Variants in TLR5 observed in about 807,000 individuals in gnomAD.
TLR5 encodes the protein toll-like receptor 5.
For synonymous variants in TLR5, 373 were observed against 384.4 expected, an observed-to-expected ratio of 0.97 and a Z score of 0.35; for missense variants, 944 against 999.8, an observed-to-expected ratio of 0.94 and a Z score of 0.75.
At position 223,119,978 on chromosome 1, in the gene TLR5, T is replaced by TAAATAAAATA. The variant is rs1553268250; in HGVS notation, c.-4-6953_-4-6944dup. 2.9e-4 allele frequency among the ~76,000 whole-genome samples: 12 copies of TAAATAAAATA among 41,654 alleles called. 1 individual carries two copies. The East Asian group carries it at 7.1e-3, about 25-fold the overall frequency. The allele number at this position is 41,654 out of a possible 152,430, so 27.3% of individuals were successfully genotyped here. A position where few individuals can be genotyped will look rare whatever the true frequency, so the allele number is the denominator to read the frequency against. On this transcript the variant is annotated intron_variant, in intron 5 of 5. Transcript: ENST00000642603. ...TAAAATAAAATAAAATAAAATAAAATAAATAAAATAAAATAAAATAAAATA... is the reference window on the plus strand; with the variant it reads ...TAAAATAAAATAAAATAAAATAAAATAAATAAAATAAAATAAAATAAAATAAAATAAAATA...
chr1:223,118,408 A>G (rs964611182), intron 5 of TLR5, among the ~76,000 whole-genome samples: 1 of 151,964 alleles, frequency 6.6e-6, no homozygotes, highest in Non-Finnish European at 1.5e-5. Context: ...TTAGCCAGGC[A>G]TGGTGGCGCA....
At chr1:223,136,112 G>C (rs1247626993) in intron 3 of TLR5, among the ~76,000 whole-genome samples, 1 of 152,158 alleles carries the variant, frequency 6.6e-6, no homozygotes, top group Admixed American at 6.5e-5. Flanking sequence ...GGGGAAGAGG[G>C]GTGGGGTGTG....
intron 5 of TLR5, among the ~76,000 whole-genome samples, chr1:223,124,454 A>ACAAAAG (rs1024507473): frequency 6.6e-6 from 1 of 151,452 alleles, no homozygotes; most frequent in Admixed American, 6.6e-5. Flanking sequence ...AAACAAAAAA[A>ACAAAAG]AAAAAGAAAA....
rs1657384766 is a variant in TLR5 at position 223,131,247 on chromosome 1, G to C, written c.-5+1228C>G. The stretch of plus-strand genomic sequence containing the variant: ...CCACCACAGACTCTAAGTGAATTCT[G>C]GAATGGTTGACTAGAGAGGCCCTCA... On this transcript the variant is annotated intron_variant, in intron 5 of 5. Coordinates refer to ENST00000642603, the MANE Select transcript of TLR5 (RefSeq NM_003268.6). The surrounding 1 kb of genome is among the most constrained non-coding windows in gnomAD (Gnocchi z 4.2). 6.6e-6 allele frequency among the ~76,000 whole-genome samples: 1 copy of C among 152,196 alleles called. No individual in the cohort carries two copies. Among genetic ancestry groups the C allele is most frequent in the Non-Finnish European group, 1.5e-5 (1 of 68,026 alleles).
At chr1:223,121,476 C>CAGG (rs1656952085) in intron 5 of TLR5, among the ~76,000 whole-genome samples, 1 of 152,196 alleles carries the variant, frequency 6.6e-6, no homozygotes, top group Non-Finnish European at 1.5e-5. Context: ...TGACTAAAGC[C>CAGG]AGGAATTCTG....
chr1:223,111,503 T>C lies in TLR5; in HGVS notation c.1529A>G (p.Asn510Ser). 6.2e-7 allele frequency: 1 copy of C among 1,614,140 alleles called. No homozygotes were observed. Among genetic ancestry groups the C allele is most frequent in the Non-Finnish European group, 8.5e-7 (1 of 1,180,030 alleles). ...GLSHLQVLYLNHNYLNSLPPG... is the reference protein window; with the variant it reads ...GLSHLQVLYLSHNYLNSLPPG... ...TGGAAGGGAATTAAGATAGTTATGA[T>C]TCAAATACAGAACTTGAAGATGAGA... The change falls in exon 6 of 6, where the codon AAT becomes AGT. Residue 510 changes from asparagine to serine, a missense_variant. Physicochemically the swap from Asn to Ser is conservative, Grantham distance 46. Coordinates refer to ENST00000642603, the MANE Select transcript of TLR5 (RefSeq NM_003268.6).
Position 223,112,820 on chromosome 1 carries a change from T to C in TLR5, c.212A>G (p.Gln71Arg). The C allele has an allele frequency of 6.2e-7, 1 of 1,612,450 alleles. No homozygotes were observed. Among genetic ancestry groups the C allele is most frequent in the Non-Finnish European group, 8.5e-7 (1 of 1,178,984 alleles). The change falls in exon 6 of 6, where the codon CAG becomes CGG. Residue 71 changes from glutamine (Q) to arginine (R), a missense_variant. Transcript: ENST00000642603. ...GCTCCCGAGCTCCAGCAGCTGCAGC[T>C]GTTCCAGAAAGGGGAAGGATGAAGC... ...VTASSFPFLEQLQLLELGSQY... is the reference protein window; with the variant it reads ...VTASSFPFLERLQLLELGSQY...
intron 5 of TLR5, among the ~76,000 whole-genome samples, chr1:223,120,572 G>A (rs1040819153): frequency 6.6e-6 from 1 of 152,270 alleles, no homozygotes; most frequent in East Asian, 1.9e-4. Context: ...CCTCACATTT[G>A]GCTTGGAATA....
chr1:223,114,689 G>A (rs138862092), intron 5 of TLR5, among the ~76,000 whole-genome samples: 1 of 152,222 alleles, frequency 6.6e-6, no homozygotes, highest in Non-Finnish European at 1.5e-5. Flanking sequence ...ATCAGAAGTA[G>A]GCATGGATGC....
intron 5 of TLR5, among the ~76,000 whole-genome samples, chr1:223,120,702 G>A (rs1369421339): frequency 6.6e-6 from 1 of 152,182 alleles, no homozygotes; most frequent in Non-Finnish European, 1.5e-5. Flanking sequence ...GTCACAAACA[G>A]TGCCCATCTG....
intron 1 of TLR5, 47 bp from the exon 2 acceptor site, chr1:223,141,810 T>G (rs1420892177): frequency 5.5e-4 from 39 of 70,716 alleles, no homozygotes; most frequent in Middle Eastern, 8.9e-3. Context: ...TATATATATA[T>G]ATATATATAT....
chr1:223,140,871 G>A (rs370390524), intron 2 of TLR5, among the ~76,000 whole-genome samples: 2 of 152,160 alleles, frequency 1.3e-5, no homozygotes, highest in Non-Finnish European at 2.9e-5. Flanking sequence ...ACTTAATTGC[G>A]CTCTAATTGT....
At chr1:223,141,844 GAGAGAGAGAGAGAA>G (rs1657884268) in intron 1 of TLR5, 81 bp from the exon 2 acceptor site, 1 of 146,332 alleles carries the variant, frequency 6.8e-6, no homozygotes, top group South Asian at 2.2e-4. Flanking sequence ...GAGAGAGAGA[GAGAGAGAGAGAGAA>G]AGAGAGAGAG....
intron 5 of TLR5, among the ~76,000 whole-genome samples, chr1:223,119,374 C>A (rs537412879): frequency 1.3e-5 from 2 of 152,102 alleles, no homozygotes; most frequent in Non-Finnish European, 1.5e-5. Context: ...AGGAATGCAA[C>A]TACTGTGTCA....
intron 5 of TLR5, among the ~76,000 whole-genome samples, chr1:223,116,913 G>A (rs1414619152): frequency 3.3e-5 from 5 of 152,286 alleles, no homozygotes; most frequent in Middle Eastern, 3.4e-3. Flanking sequence ...AGTGGATCCC[G>A]CGTCAGGGCT....
intron 3 of TLR5, among the ~76,000 whole-genome samples, chr1:223,135,829 C>T (rs1302876665): frequency 1.3e-5 from 2 of 152,164 alleles, no homozygotes; most frequent in Non-Finnish European, 2.9e-5. Context: ...CACATATATC[C>T]TAGCTTTAAA....
At chr1:223,115,642 G>A (rs756023614) in intron 5 of TLR5, among the ~76,000 whole-genome samples, 190 of 72,110 alleles carry the variant, frequency 2.6e-3, no homozygotes, top group Non-Finnish European at 3.6e-3. Context: ...GACGGAAGAG[G>A]TGATAACAAA....
At chr1:223,122,223 T>C (rs756853008) in intron 5 of TLR5, among the ~76,000 whole-genome samples, 4 of 152,152 alleles carry the variant, frequency 2.6e-5, no homozygotes, top group African/African-American at 4.8e-5. Context: ...ATATGCATCA[T>C]GATGATAAAC....
At chr1:223,117,168 G>A (rs1018719655) in intron 5 of TLR5, among the ~76,000 whole-genome samples, 2 of 152,014 alleles carry the variant, frequency 1.3e-5, no homozygotes, top group African/African-American at 4.8e-5. Context: ...AGTGCTGGGG[G>A]ACCCGGGGCC....
Sources: allele counts gnomAD v4.1 joint callset (sites outside exome capture counted in the v4.1 genomes callset), GRCh38; gene constraint gnomAD v4.1.1; non-coding constraint Gnocchi (gnomAD v3.1); transcripts MANE v1.5; gene names NCBI Gene and HGNC (gene_info 2026-07-23, HGNC 2026-07-21).